RAD54B: variants seen among roughly 807,000 people sequenced by gnomAD.
RAD54B encodes RAD54 homolog B, also known as DNA repair and recombination protein RAD54B.
A neutral mutation model predicts 95.8 loss-of-function variants in RAD54B; 78 were observed. The observed-to-expected ratio is 0.81, with a 90% confidence interval of 0.68 to 0.98. The LOEUF (loss-of-function observed/expected upper bound fraction) is 0.98. RAD54B is among the 50% of genes least tolerant of loss of function. RAD54B has a pLI of 0.00. For synonymous variants in RAD54B, 328 were observed against 354.9 expected (o/e 0.92, Z 0.85); for missense variants, 957 against 1,056.6 (o/e 0.91, Z 1.31).
intron 3 of RAD54B, among the ~76,000 whole-genome samples, chr8:94,418,651 C>T (rs186078204): frequency 6.6e-6 from 1 of 152,274 alleles, no homozygotes; most frequent in Admixed American, 6.5e-5. Flanking sequence ...CCTGCAGTTA[C>T]TGACCTGTTT....
chr8:94,455,177 T>C (rs1293024163), intron 3 of RAD54B, among the ~76,000 whole-genome samples: 1 of 152,244 alleles, frequency 6.6e-6, no homozygotes, highest in Non-Finnish European at 1.5e-5. Context: ...CATTACAGCA[T>C]GACTTTTGTT....
At position 94,393,903 on chromosome 8, in the gene RAD54B, G is replaced by A. The variant is rs775788980; in HGVS notation, c.1379-21C>T. The A allele has an allele frequency of 1.9e-5, 29 of 1,561,984 alleles. No individual in the cohort carries two copies. In the South Asian group the frequency reaches 2.7e-4, roughly 14 times the overall value. ...AGTACCTAAAGAGAGACAAAAATGA[G>A]TAAAAGGTCAAGTTTGTGTTTTACA... On this transcript the variant is annotated intron_variant, in intron 8 of 14. Transcript: ENST00000336148.
At chr8:94,452,136 A>G (rs1812669493) in intron 3 of RAD54B, among the ~76,000 whole-genome samples, 1 of 152,230 alleles carries the variant, frequency 6.6e-6, no homozygotes, top group South Asian at 2.1e-4. Context: ...GGCCTGTTTC[A>G]CAGAGGAAAT....
In RAD54B at chr8:94,407,668, C is replaced by T; in HGVS notation, c.552G>A (p.Leu184=). Residue 184 remains leucine, a synonymous_variant, in exon 5 of 15, where the codon CTG becomes CTA. Coordinates refer to ENST00000336148, the MANE Select transcript of RAD54B (RefSeq NM_012415.3). ...CTTCTATTTCTTTTCCACAAATCAT[C>T]AGTGTTTGGCCCTCTTCAATCTTTT... is the stretch of plus-strand genomic sequence containing the variant. ...ELEKIEEGQT[L]MICGKEIEVM... 6.2e-7 allele frequency: 1 copy of T among 1,613,932 alleles called. No homozygotes were observed.
intron 5 of RAD54B, among the ~76,000 whole-genome samples, chr8:94,405,571 T>C (rs1036417865): frequency 6.3e-4 from 96 of 152,176 alleles, no homozygotes; most frequent in African/African-American, 2.2e-3. Context: ...TCCTGTTAGG[T>C]AGGAGACTAG....
At chr8:94,378,441 T>C in intron 13 of RAD54B, 61 bp from the exon 14 acceptor site, 1 of 1,512,974 alleles carries the variant, frequency 6.6e-7, no homozygotes, top group Non-Finnish European at 9.0e-7. Flanking sequence ...TTTTGTTGGG[T>C]ATAATGTTTA....
In RAD54B at chr8:94,454,503, T is replaced by C. The variant is rs895747124; in HGVS notation, c.304+3765A>G. On this transcript the variant is annotated intron_variant, in intron 3 of 14. Transcript: ENST00000336148. ...AAAACCAATAAAATATTTTAAAATATATTAGTTTCATGATAGTAATATTTT... is the reference window on the plus strand; with the variant it reads ...AAAACCAATAAAATATTTTAAAATACATTAGTTTCATGATAGTAATATTTT... Among the ~76,000 whole-genome samples, 3 of 152,252 alleles carry C rather than the reference T, an allele frequency of 2.0e-5. No individual in the cohort carries two copies. In the South Asian group the frequency reaches 6.2e-4, roughly 31 times the overall value.
chr8:94,391,141 G>A (rs953527995), intron 10 of RAD54B, among the ~76,000 whole-genome samples: 1 of 151,870 alleles, frequency 6.6e-6, no homozygotes, highest in South Asian at 2.1e-4. Flanking sequence ...TTTTCCATGG[G>A]TTGAGCTTAA....
chr8:94,423,121 C>T (rs1811863606), intron 3 of RAD54B, among the ~76,000 whole-genome samples: 1 of 152,066 alleles, frequency 6.6e-6, no homozygotes. Flanking sequence ...CGGTGGCTCA[C>T]GCCTGTAATC....
At position 94,378,281 on chromosome 8, in the gene RAD54B, G is replaced by T. The variant is rs1038624768; in HGVS notation, c.2414C>A (p.Ser805Ter). 3.1e-6 allele frequency: 5 copies of T among 1,613,494 alleles called. No homozygotes were observed. In the Admixed American group the frequency reaches 8.3e-5, roughly 27 times the overall value. The part of the protein sequence containing the change: ...LTKTSEHIQF[S>*]VEELKNLFTL... ...GAACAAATTTTTAAGTTCTTCTACT[G>T]AAAACTGAATATGTTCAGATGTCTT... Residue 805 changes from serine to a stop codon, truncating the protein, a stop_gained, in exon 14 of 15, where the codon TCA becomes TAA. Transcript: ENST00000336148. LOFTEE classifies it high-confidence loss of function.
chr8:94,431,313 T>C, intron 3 of RAD54B: 1 of 977,242 alleles, frequency 1.0e-6, no homozygotes, highest in Non-Finnish European at 1.2e-6. Context: ...CCAAAATATA[T>C]AATAGCTTCA....
At chr8:94,386,497 A>G (rs1186914733) in intron 11 of RAD54B, among the ~76,000 whole-genome samples, 4 of 152,200 alleles carry the variant, frequency 2.6e-5, no homozygotes, top group Non-Finnish European at 5.9e-5. Flanking sequence ...ATTTGTTTCA[A>G]TATTATATGT....
At chr8:94,456,265 G>C (rs976398172) in intron 3 of RAD54B, among the ~76,000 whole-genome samples, 1 of 152,140 alleles carries the variant, frequency 6.6e-6, no homozygotes, top group Non-Finnish European at 1.5e-5. Context: ...AAAGTGTCCC[G>C]TGAATTCAAG....
Position 94,380,250 on chromosome 8 carries a change from A to T in RAD54B, c.2142T>A (p.Phe714Leu), listed in dbSNP as rs776924419. Residue 714 changes from phenylalanine to leucine, a missense_variant, in exon 12 of 15, where the codon TTT becomes TTA. Transcript: ENST00000336148. The stretch of plus-strand genomic sequence containing the variant: ...CAGCTTTTGAACTTAACAAAAAAAT[A>T]AAAAAAGAAGAGTGTTGACTGTTAA... Reference protein sequence around the residue: ...DGFNSQHSSFFIFLLSSKAGG... With the variant: ...DGFNSQHSSFLIFLLSSKAGG... The T allele has an allele frequency of 3.1e-6, 5 of 1,614,016 alleles. No homozygotes were observed. The highest frequency in any genetic ancestry group is 4.2e-6 in the Non-Finnish European group (5 of 1,179,954).
rs1812046028 is a variant in RAD54B at position 94,429,989 on chromosome 8, T to A, written c.305-18674A>T. 8 of 985,380 alleles carry A rather than the reference T, an allele frequency of 8.1e-6. No homozygotes were observed. The South Asian group carries it at 3.8e-4, about 46-fold the overall frequency. 61.0% of individuals were successfully genotyped at this position (985,380 alleles called of 1,614,324 possible). On this transcript the variant is annotated intron_variant, in intron 3 of 14. Transcript: ENST00000336148. ...CCTCTAATTCAAAGCATTCAATGGC[T>A]TCTCATTGTACGTTAAGTCTGACTC...
chr8:94,419,724 T>C (rs1241151001), intron 3 of RAD54B, among the ~76,000 whole-genome samples: 3 of 141,926 alleles, frequency 2.1e-5, no homozygotes, highest in Admixed American at 7.2e-5. Flanking sequence ...CTCCTCCCTC[T>C]TCTCTCACAG....
intron 3 of RAD54B, among the ~76,000 whole-genome samples, chr8:94,413,766 C>T (rs975777115): frequency 2.6e-5 from 4 of 151,074 alleles, no homozygotes; most frequent in Admixed American, 2.6e-4. Context: ...AAGCCACTGG[C>T]TGGGGTAAAA....
chr8:94,427,623 A>G (rs1454319971), intron 3 of RAD54B: 1 of 660,730 alleles, frequency 1.5e-6, no homozygotes, highest in Non-Finnish European at 1.9e-6. Context: ...TCATCTAAAT[A>G]AATGTATTTC....
chr8:94,376,378 G>A (rs1015469698), intron 14 of RAD54B, among the ~76,000 whole-genome samples: 1 of 151,930 alleles, frequency 6.6e-6, no homozygotes. Flanking sequence ...TCAAAATTAT[G>A]GGCAGCTTAG....
Sources: allele counts gnomAD v4.1 joint callset (sites outside exome capture counted in the v4.1 genomes callset), GRCh38; gene constraint gnomAD v4.1.1; transcripts MANE v1.5; gene names NCBI Gene and HGNC (gene_info 2026-07-23, HGNC 2026-07-21).